Variants in ARID5B observed in about 807,000 individuals in gnomAD.
The protein encoded by ARID5B is AT-rich interaction domain 5B.
A neutral mutation model predicts 97.2 loss-of-function variants in ARID5B; 13 were observed. The ratio of observed to expected loss-of-function variants is 0.13; its 90% CI spans 0.09 to 0.21. ARID5B has a LOEUF of 0.21. Ranked by LOEUF, ARID5B falls within the 10% of genes least tolerant of loss-of-function variation. ARID5B has a pLI of 1.00. For synonymous variants in ARID5B, 556 were observed against 570.3 expected (o/e 0.97, Z 0.36); for missense variants, 1,210 against 1,465.3 (o/e 0.83, Z 2.84).
chr10:62,078,026 A>T (rs1354398645), intron 8 of ARID5B, among the ~76,000 whole-genome samples: 2 of 152,264 alleles, frequency 1.3e-5, no homozygotes, highest in East Asian at 3.8e-4. Flanking sequence ...GTAAGTTACT[A>T]CAAAGTTTGA....
In ARID5B at chr10:62,096,797, C is replaced by T. The variant is rs1840477278; in HGVS notation, c.*3767C>T. 2 of 233,470 alleles carry T rather than the reference C, an allele frequency of 8.6e-6. No individual in the cohort carries two copies. The allele number at this position is 233,470 out of a possible 1,614,324, so 14.5% of individuals were successfully genotyped here. The stretch of plus-strand genomic sequence containing the variant: ...GAATGCTGAGCCAACTATAAACACT[C>T]AATTTTGTATGTTTTCCAAATTGTA... On this transcript the variant is annotated 3_prime_UTR_variant, in exon 10 of 10. Coordinates refer to ENST00000279873, the MANE Select transcript of ARID5B (RefSeq NM_032199.3).
At chr10:61,938,638 T>C (rs750952671) in intron 2 of ARID5B, among the ~76,000 whole-genome samples, 7 of 152,146 alleles carry the variant, frequency 4.6e-5, no homozygotes, top group Non-Finnish European at 1.0e-4. Context: ...ATGGGCCCCA[T>C]TGTTTATAAA....
chr10:61,909,775 C>G (rs1336120378), intron 2 of ARID5B, among the ~76,000 whole-genome samples: 1 of 152,226 alleles, frequency 6.6e-6, no homozygotes, highest in Non-Finnish European at 1.5e-5. Context: ...CCCCATCTCA[C>G]ACTTCTTCTT....
In ARID5B at chr10:62,092,027, A is replaced by G. The variant is rs767097497; in HGVS notation, c.2564A>G (p.Lys855Arg). Residue 855 changes from lysine to arginine, a missense_variant, in exon 10 of 10, where the codon AAA becomes AGA. Transcript: ENST00000279873. The stretch of plus-strand genomic sequence containing the variant: ...CATCTTCATAATGAACAGACATCCA[A>G]ATACCCTTCCAGGGACATGTACAGG... ...EHHLHNEQTS[K>R]YPSRDMYRES... 1.2e-6 allele frequency: 2 copies of G among 1,613,978 alleles called. No individual in the cohort carries two copies. Among genetic ancestry groups the G allele is most frequent in the South Asian group, 1.1e-5 (1 of 91,070 alleles).
chr10:61,932,220 G>T (rs1359287881), intron 2 of ARID5B, among the ~76,000 whole-genome samples: 1 of 151,940 alleles, frequency 6.6e-6, no homozygotes, highest in African/African-American at 2.4e-5. Context: ...TAAAAAAAAA[G>T]TACATACCAT....
intron 3 of ARID5B, among the ~76,000 whole-genome samples, chr10:61,945,181 T>C (rs74655596): frequency 1.6e-4 from 24 of 152,328 alleles, no homozygotes; most frequent in Non-Finnish European, 2.9e-4. Flanking sequence ...AGTGCTCTCA[T>C]GAATTTATTA....
At chr10:61,910,452 C>G (rs955151382) in intron 2 of ARID5B, among the ~76,000 whole-genome samples, 1 of 152,154 alleles carries the variant, frequency 6.6e-6, no homozygotes, top group Non-Finnish European at 1.5e-5. Context: ...ACAAATTTAT[C>G]GATTGTTGGC....
intron 4 of ARID5B, among the ~76,000 whole-genome samples, chr10:62,032,488 C>T (rs929854551): frequency 1.3e-5 from 2 of 151,986 alleles, no homozygotes; most frequent in South Asian, 2.1e-4. Flanking sequence ...GAGGCTGAGG[C>T]GGCAGATCAC....
chr10:62,083,990 T>G (rs1038531756), intron 8 of ARID5B, among the ~76,000 whole-genome samples: 31 of 152,250 alleles, frequency 2.0e-4, no homozygotes, highest in African/African-American at 7.5e-4. Context: ...AGCAGGTATT[T>G]GGCAGCCATA....
At chr10:62,037,472 C>T (rs982495975) in intron 4 of ARID5B, among the ~76,000 whole-genome samples, 8 of 152,194 alleles carry the variant, frequency 5.3e-5, no homozygotes, top group Non-Finnish European at 1.2e-4. Context: ...CATAAGATGC[C>T]TTGCTCCACA....
intron 6 of ARID5B, 125 bp from the exon 7 acceptor site, chr10:62,059,118 C>A: frequency 3.0e-6 from 2 of 666,124 alleles, no homozygotes; most frequent in Non-Finnish European, 4.9e-6. Context: ...AAGAACTTAG[C>A]TCTCTGGGGT....
At chr10:61,949,858 C>T (rs181203916) in intron 3 of ARID5B, among the ~76,000 whole-genome samples, 109 of 152,290 alleles carry the variant, frequency 7.2e-4, no homozygotes, top group Non-Finnish European at 1.1e-3. Context: ...CTTGGATTGA[C>T]TGGAACAAGT....
chr10:62,039,290 A>G (rs1195140071), intron 4 of ARID5B, among the ~76,000 whole-genome samples: 1 of 152,358 alleles, frequency 6.6e-6, no homozygotes, highest in South Asian at 2.1e-4. Flanking sequence ...TATAAGTATG[A>G]TACAGTAGAA....
Position 62,092,638 on chromosome 10 carries a change from G to C in ARID5B, c.3175G>C (p.Gly1059Arg), listed in dbSNP as rs1277563545. 3 of 1,614,160 alleles carry C rather than the reference G, an allele frequency of 1.9e-6. No homozygotes were observed. Among genetic ancestry groups the C allele is most frequent in the East Asian group, 2.2e-5 (1 of 44,874 alleles). Residue 1059 changes from glycine to arginine, a missense_variant, in exon 10 of 10, where the codon GGT becomes CGT. By Grantham distance (125) the Gly-to-Arg change is moderately radical. Coordinates refer to ENST00000279873, the MANE Select transcript of ARID5B (RefSeq NM_032199.3). ...GAGTGAAGGCAGCAAAGCAGCGCAC[G>C]GTGGGCATTCCGGGGGCGGATCAGA... Reference protein sequence around the residue: ...QESEGSKAAHGGHSGGGSEGH... With the variant: ...QESEGSKAAHRGHSGGGSEGH...
At chr10:61,942,851 G>C (rs911557319) in intron 3 of ARID5B, among the ~76,000 whole-genome samples, 9 of 152,170 alleles carry the variant, frequency 5.9e-5, no homozygotes, top group Non-Finnish European at 1.2e-4. Flanking sequence ...GATTTTGTTT[G>C]TTTGTTTTGG....
chr10:62,086,201 C>A (rs566841038), intron 9 of ARID5B, among the ~76,000 whole-genome samples: 1 of 152,282 alleles, frequency 6.6e-6, no homozygotes, highest in Non-Finnish European at 1.5e-5. Context: ...AGAAAAGGGT[C>A]CAGAGCCACA....
chr10:62,030,815 G>A (rs979097980), intron 4 of ARID5B, among the ~76,000 whole-genome samples: 4 of 152,174 alleles, frequency 2.6e-5, no homozygotes, highest in Non-Finnish European at 5.9e-5. Context: ...TTTTTGGAGC[G>A]CAAAGGGTCT....
chr10:62,004,909 A>G (rs1229872713), intron 4 of ARID5B, among the ~76,000 whole-genome samples: 1 of 152,246 alleles, frequency 6.6e-6, no homozygotes, highest in African/African-American at 2.4e-5. Context: ...CTCAATATAT[A>G]TAAATGAGAT....
At chr10:62,055,142 C>T (rs182842623) in intron 5 of ARID5B, among the ~76,000 whole-genome samples, 51 of 152,236 alleles carry the variant, frequency 3.4e-4, no homozygotes, top group South Asian at 6.2e-4. Flanking sequence ...TGGTAGGTTT[C>T]GTAATGCCTG....
Sources: allele counts gnomAD v4.1 joint callset (sites outside exome capture counted in the v4.1 genomes callset), GRCh38; gene constraint gnomAD v4.1.1; transcripts MANE v1.5; gene names NCBI Gene and HGNC (gene_info 2026-07-23, HGNC 2026-07-21).